MYO1A: variants seen among roughly 807,000 people sequenced by gnomAD.
MYO1A encodes myosin IA.
MYO1A carries 127 observed loss-of-function variants against 138.5 expected under a neutral mutation model. That is an observed-to-expected ratio of 0.92 (90% CI 0.79 to 1.06). The LOEUF (loss-of-function observed/expected upper bound fraction) is 1.06. Ranked by LOEUF, MYO1A falls within the 50% of genes least tolerant of loss-of-function variation. The pLI is 0.00. For missense variants in MYO1A, 1,211 were observed against 1,288.8 expected (o/e 0.94, Z 0.92); for synonymous variants, 477 against 497.5 (o/e 0.96, Z 0.55).
chr12:57,038,980 A>T lies in MYO1A; in HGVS notation c.1362T>A (p.Asp454Glu). 7 of 1,614,106 alleles carry T rather than the reference A, an allele frequency of 4.3e-6. No homozygotes were observed. The highest frequency in any genetic ancestry group is 5.9e-6 in the Non-Finnish European group (7 of 1,179,996). ...HNQRGILAML[D>E]EECLRPGVVS... ...CCACCCCAGGCCGCAGGCACTCCTCATCCAACATGGCCAGGATACCTCGCT... is the reference window on the plus strand; with the variant it reads ...CCACCCCAGGCCGCAGGCACTCCTCTTCCAACATGGCCAGGATACCTCGCT... The change falls in exon 16 of 28, where the codon GAT (aspartate) becomes GAA (glutamate). Residue 454 changes from aspartate to glutamate, a missense_variant. By Grantham distance (45) the Asp-to-Glu change is conservative (BLOSUM62 2). Coordinates refer to ENST00000300119, the MANE Select transcript of MYO1A (RefSeq NM_005379.4).
intron 24 of MYO1A, 33 bp from the exon 25 acceptor site, chr12:57,029,905 A>G: frequency 6.2e-7 from 1 of 1,614,088 alleles, no homozygotes; most frequent in Non-Finnish European, 8.5e-7. Flanking sequence ...CAGCGCGACA[A>G]GGCCCAGAGG....
intron 1 of MYO1A, among the ~76,000 whole-genome samples, chr12:57,048,839 A>G (rs1469373054): frequency 1.3e-5 from 2 of 151,964 alleles, no homozygotes; most frequent in East Asian, 3.9e-4. Flanking sequence ...AAGACACCCA[A>G]CCTACCCATA....
At chr12:57,044,845 C>T (rs542944769) in intron 8 of MYO1A, among the ~76,000 whole-genome samples, 106 of 152,330 alleles carry the variant, frequency 7.0e-4, no homozygotes, top group Non-Finnish European at 1.5e-4. Context: ...ACCCTTCCAT[C>T]CTACGCAGGT....
chr12:57,041,489 G>C lies in MYO1A; in HGVS notation c.1107C>G (p.Ile369Met), dbSNP rs201807846. 1.7e-5 allele frequency: 28 copies of C among 1,612,894 alleles called. No homozygotes were observed. The highest frequency in any genetic ancestry group is 2.3e-5 in the Non-Finnish European group (27 of 1,178,936). The part of the protein sequence containing the change: ...NRINESIKVG[I>M]GEKKKVMGVL... ...CTCCCATTACCTTCTTCTTTTCCCC[G>C]ATGCCCACCTGAAGAGGAGAGAAAG... Residue 369 changes from isoleucine to methionine, a missense_variant, in exon 13 of 28, where the codon ATC becomes ATG. Transcript: ENST00000300119.
In MYO1A at chr12:57,046,550, A is replaced by G; in HGVS notation, c.640+2T>C. ...GGACACTTTCCCCATGCAGGCACAT[A>G]CTCAGCAGCTGTTCATCTGCTCCAG... On this transcript the variant is annotated splice_donor_variant, in intron 8 of 27. Coordinates refer to ENST00000300119, the MANE Select transcript of MYO1A (RefSeq NM_005379.4). LOFTEE classifies it high-confidence loss of function. 6.2e-7 allele frequency: 1 copy of G among 1,611,528 alleles called. No homozygotes were observed. Among genetic ancestry groups the G allele is most frequent in the Non-Finnish European group, 8.5e-7 (1 of 1,177,728 alleles).
At chr12:57,041,313 G>C (rs2030848360) in intron 13 of MYO1A, 25 bp from the exon 14 acceptor site, 2 of 1,607,476 alleles carry the variant, frequency 1.2e-6, no homozygotes, top group African/African-American at 2.7e-5. Context: ...ACAGGTTAGA[G>C]AGCTCACTCC....
In MYO1A at chr12:57,029,756, T is replaced by C. The variant is rs146373415; in HGVS notation, c.2708A>G (p.Asn903Ser). The C allele has an allele frequency of 1.6e-4, 265 of 1,614,200 alleles. No individual in the cohort carries two copies. Among genetic ancestry groups the C allele is most frequent in the South Asian group, 6.9e-4 (63 of 91,080 alleles). ...VLMAEAVKKV[N>S]RGNGKTSSRI... ...GGCCCTTACCTTGCCATTGCCACGA[T>C]TGACCTTCTTCACGGCCTCTGCCAT... The change falls in exon 25 of 28, where the codon AAT (asparagine) becomes AGT (serine). Residue 903 changes from asparagine (N) to serine (S), a missense_variant. Coordinates refer to ENST00000300119, the MANE Select transcript of MYO1A (RefSeq NM_005379.4).
intron 22 of MYO1A, among the ~76,000 whole-genome samples, chr12:57,034,756 G>T (rs1459499566): frequency 2.0e-5 from 3 of 151,866 alleles, no homozygotes; most frequent in Non-Finnish European, 4.4e-5. Flanking sequence ...GTCACTTGAG[G>T]TCAGGAGTTC....
At chr12:57,031,250 T>G in intron 22 of MYO1A, 76 bp from the exon 23 acceptor site, 2 of 1,570,666 alleles carry the variant, frequency 1.3e-6, no homozygotes, top group South Asian at 1.1e-5. Flanking sequence ...ACCCAGATCC[T>G]GCCACTTCAA....
At chr12:57,044,849 C>T (rs911979177) in intron 8 of MYO1A, among the ~76,000 whole-genome samples, 3 of 152,334 alleles carry the variant, frequency 2.0e-5, no homozygotes, top group Non-Finnish European at 2.9e-5. Context: ...TTCCATCCTA[C>T]GCAGGTGCCT....
intron 18 of MYO1A, 100 bp from the exon 19 acceptor site, chr12:57,037,741 C>A: frequency 6.7e-7 from 1 of 1,490,688 alleles, no homozygotes; most frequent in Non-Finnish European, 9.4e-7. Flanking sequence ...AGTGATCATT[C>A]AATTCATTTC....
At position 57,038,895 on chromosome 12, in the gene MYO1A, C is replaced by T. The variant is rs188927163; in HGVS notation, c.1447G>A (p.Glu483Lys). 34 of 1,614,174 alleles carry T rather than the reference C, an allele frequency of 2.1e-5. No individual in the cohort carries two copies. The Admixed American group carries it at 2.3e-4, about 11-fold the overall frequency. ...TGGGCATTCTGGGTGACTTTGCTCT[C>T]GTAGTGGCCATGCTTGGAGAAGAGC... ...NQLFSKHGHY[E>K]SKVTQNAQRQ... is the part of the protein sequence containing the mutation. The change falls in exon 16 of 28, where the codon GAG becomes AAG. Residue 483 changes from glutamate (E) to lysine (K), a missense_variant. By Grantham distance (56) the Glu-to-Lys change is moderately conservative. Transcript: ENST00000300119.
rs765978830 is a variant in MYO1A at position 57,048,196 on chromosome 12, CAT to C, written c.114+12_114+13del. On this transcript the variant is annotated intron_variant, in intron 2 of 27. Coordinates refer to ENST00000300119, the MANE Select transcript of MYO1A (RefSeq NM_005379.4). ...CCACATATCCACAGCCAGAGGCACC[CAT>C]ATGACACTCACATAAATCTCCTTGT... 1 of 1,609,110 alleles carries C rather than the reference CAT, an allele frequency of 6.2e-7. No individual in the cohort carries two copies. The highest frequency in any genetic ancestry group is 8.5e-7 in the Non-Finnish European group (1 of 1,175,394).
At position 57,043,914 on chromosome 12, in the gene MYO1A, C is replaced by A. The variant is rs756926322; in HGVS notation, c.834G>T (p.Leu278Phe). The A allele has an allele frequency of 6.2e-7, 1 of 1,614,194 alleles. No individual in the cohort carries two copies. Among genetic ancestry groups the A allele is most frequent in the Non-Finnish European group, 8.5e-7 (1 of 1,180,026 alleles). ...TSMVLKLGNV[L>F]VADEFQASGI... is the part of the protein sequence containing the mutation. ...CACTGGCCTGGAACTCATCAGCCAC[C>A]AACACGTTCCCCAGCTTTAGCACCA... Residue 278 changes from leucine (L) to phenylalanine (F), a missense_variant, in exon 10 of 28, where the codon TTG becomes TTT. Transcript: ENST00000300119.
At chr12:57,033,954 C>G (rs1347561532) in intron 22 of MYO1A, among the ~76,000 whole-genome samples, 2 of 152,222 alleles carry the variant, frequency 1.3e-5, no homozygotes, top group Admixed American at 6.5e-5. Context: ...TCCCCAGTCC[C>G]TAGTCTGATT....
At chr12:57,030,441 T>A in intron 23 of MYO1A, 125 bp from the exon 24 acceptor site, 1 of 775,738 alleles carries the variant, frequency 1.3e-6, no homozygotes, top group Non-Finnish European at 2.2e-6. Flanking sequence ...GGACAGGCAC[T>A]AGACACCTCA....
At chr12:57,037,409 T>C (rs1295968784) in intron 19 of MYO1A, 139 bp downstream of exon 19, 2 of 883,832 alleles carry the variant, frequency 2.3e-6, no homozygotes, top group African/African-American at 1.6e-5. Context: ...AGGGATACGG[T>C]TCCTGCAGAC....
chr12:57,035,564 G>A (rs1378368209), intron 22 of MYO1A, among the ~76,000 whole-genome samples: 1 of 152,218 alleles, frequency 6.6e-6, no homozygotes, highest in Non-Finnish European at 1.5e-5. Context: ...ATTTGCTCCA[G>A]CCTCTGTCCA....
chr12:57,038,408 T>G lies in MYO1A; in HGVS notation c.1760+4A>C, dbSNP rs1255332620. 1.2e-6 allele frequency: 2 copies of G among 1,613,892 alleles called. No individual in the cohort carries two copies. The highest frequency in any genetic ancestry group is 1.7e-6 in the Non-Finnish European group (2 of 1,179,858). On this transcript the variant is annotated splice_donor_region_variant and intron_variant, in intron 17 of 27. Transcript: ENST00000300119. The stretch of plus-strand genomic sequence containing the variant: ...GCATGTTCCCCTGCATGCCAGCATG[T>G]CACCTGATGTAGTTGGGGCTCTTGG...
Sources: gnomAD v4.1 joint callset for allele counts (sites outside exome capture counted in the v4.1 genomes callset) on GRCh38, gnomAD v4.1.1 for gene constraint, MANE v1.5 for transcripts, NCBI Gene and HGNC (gene_info 2026-07-23, HGNC 2026-07-21) for gene names.